The following RELCH variants were observed in gnomAD, a reference collection of about 807,000 sequenced individuals.
RELCH encodes RAB11 binding and LisH domain, coiled-coil and HEAT repeat containing.
In RELCH, 41 loss-of-function variants were observed where a neutral mutation model predicts 150.3. The observed-to-expected ratio is 0.27, with a 90% CI of 0.21 to 0.35. The LOEUF is 0.35. RELCH is among the 10% of genes least tolerant of loss of function. The pLI is 1.00. For synonymous variants in RELCH, 478 were observed against 531.8 expected, an observed-to-expected ratio of 0.90 and a Z score of 1.39; for missense variants, 1,092 against 1,467.8, an observed-to-expected ratio of 0.74 and a Z score of 4.18.
intron 2 of RELCH, 152 bp from the exon 3 acceptor site, chr18:62,220,885 G>A: frequency 1.5e-6 from 1 of 689,152 alleles, no homozygotes; most frequent in Non-Finnish European, 2.6e-6. Context: ...TCTGCTGCAT[G>A]CGTTCACAAG....
chr18:62,263,014 C>T (rs2043352622), intron 16 of RELCH, among the ~76,000 whole-genome samples: 1 of 151,946 alleles, frequency 6.6e-6, no homozygotes, highest in Admixed American at 6.6e-5. Flanking sequence ...TTTATCTTCA[C>T]GTGGCACACT....
rs1277441926 is a variant in RELCH, at chr18:62,266,683, T to A, written c.2632-18T>A. On this transcript the variant is annotated intron_variant, in intron 18 of 28. Coordinates refer to ENST00000644646, the MANE Select transcript of RELCH (RefSeq NM_001346231.2). ...ATTGAACCTGAGACTTTTTGAATCTTCTCTTTGGGTTGCTTAGGTAAAACC... is the reference window on the plus strand; with the variant it reads ...ATTGAACCTGAGACTTTTTGAATCTACTCTTTGGGTTGCTTAGGTAAAACC... The A allele has an allele frequency of 3.2e-6, 5 of 1,578,598 alleles. No individual in the cohort carries two copies. The highest frequency in any genetic ancestry group is 2.7e-5 in the African/African-American group (2 of 73,888).
At chr18:62,239,597 A>G (rs1239184217) in intron 10 of RELCH, among the ~76,000 whole-genome samples, 1 of 151,898 alleles carries the variant, frequency 6.6e-6, no homozygotes, top group African/African-American at 2.4e-5. Flanking sequence ...CCTAGTCTGG[A>G]GTTTTCCTCC....
At chr18:62,278,810 TGATTA>T (rs2044352538) in intron 22 of RELCH, among the ~76,000 whole-genome samples, 1 of 152,212 alleles carries the variant, frequency 6.6e-6, no homozygotes, top group African/African-American at 2.4e-5. Flanking sequence ...AATTGTTTTG[TGATTA>T]GATTATAGAG....
intron 21 of RELCH, among the ~76,000 whole-genome samples, chr18:62,274,470 A>G (rs1050520676): frequency 6.6e-6 from 1 of 152,226 alleles, no homozygotes; most frequent in African/African-American, 2.4e-5. Context: ...CCTGCTCATC[A>G]TCACATCATC....
intron 11 of RELCH, among the ~76,000 whole-genome samples, chr18:62,250,841 C>A (rs1262222316): frequency 6.6e-6 from 1 of 152,144 alleles, no homozygotes; most frequent in East Asian, 1.9e-4. Flanking sequence ...AATGCCTAGA[C>A]GTAAAGTACT....
chr18:62,237,871 T>A (rs534309476), intron 10 of RELCH, among the ~76,000 whole-genome samples: 2 of 151,944 alleles, frequency 1.3e-5, no homozygotes, highest in South Asian at 2.1e-4. Context: ...TTAACTTTTT[T>A]AAATAGAAAG....
rs1165525926 is a variant in RELCH at position 62,305,197 on chromosome 18, T to C, written c.3531-217T>C. Among the ~76,000 whole-genome samples the C allele has an allele frequency of 6.6e-6, 1 of 152,206 alleles. No individual in the cohort carries two copies. The highest frequency in any genetic ancestry group is 1.5e-5 in the Non-Finnish European group (1 of 68,036). ...GCCAAGATTCAGTCCAGTCCCAGAC[T>C]TGTTCCTAACCACTACACATACTGC... On this transcript the variant is annotated intron_variant, in intron 28 of 28. Transcript: ENST00000644646. This position sits in a 1 kb window ranked among gnomAD's most constrained non-coding sequence, Gnocchi z 4.0.
chr18:62,207,047 A>G lies in RELCH; in HGVS notation c.527-4106A>G, dbSNP rs368050178. Among the ~76,000 whole-genome samples the G allele has an allele frequency of 2.1e-3, 316 of 152,148 alleles. 4 individuals carry two copies. The highest frequency in any genetic ancestry group is 7.4e-3 in the African/African-American group (306 of 41,506). ...TTTTAGTATATTTCCATTCATTTTT[A>G]GTATATTTACAGAATTGTACAACCA... On this transcript the variant is annotated intron_variant, in intron 1 of 28. Coordinates refer to ENST00000644646, the MANE Select transcript of RELCH (RefSeq NM_001346231.2).
chr18:62,263,077 T>C (rs1212177904), intron 16 of RELCH, among the ~76,000 whole-genome samples: 4 of 152,004 alleles, frequency 2.6e-5, no homozygotes, highest in Admixed American at 1.3e-4. Context: ...AGGACATCGG[T>C]TGTGTTGGAT....
At chr18:62,194,012 G>A (rs1219339281) in intron 1 of RELCH, among the ~76,000 whole-genome samples, 1 of 152,138 alleles carries the variant, frequency 6.6e-6, no homozygotes, top group African/African-American at 2.4e-5. Flanking sequence ...TTGGGAGGAT[G>A]AGGTGAGCAG....
chr18:62,296,748 A>G (rs2045429837), intron 27 of RELCH, among the ~76,000 whole-genome samples: 1 of 152,142 alleles, frequency 6.6e-6, no homozygotes, highest in African/African-American at 2.4e-5. Flanking sequence ...GATATTGTCA[A>G]ATGTTTTCTT....
chr18:62,295,797 TCTTGGGTTCAAGCGATCCACCCAC>T (rs2145101942), intron 27 of RELCH, among the ~76,000 whole-genome samples: 1 of 152,270 alleles, frequency 6.6e-6, no homozygotes, highest in South Asian at 2.1e-4. Flanking sequence ...GGTCTCAAAC[TCTTGGGTTCAAGCGATCCACCCAC>T]CTTGGCCTCC....
chr18:62,244,221 T>C (rs1568370096), intron 10 of RELCH, among the ~76,000 whole-genome samples: 3 of 152,156 alleles, frequency 2.0e-5, no homozygotes, highest in Non-Finnish European at 4.4e-5. Context: ...ATCAAATATT[T>C]CTACTGATAC....
At chr18:62,267,124 A>T (rs935294766) in intron 19 of RELCH, among the ~76,000 whole-genome samples, 2 of 151,960 alleles carry the variant, frequency 1.3e-5, no homozygotes, top group African/African-American at 4.8e-5. Context: ...AAAATTAAAC[A>T]TAGTGGAAAA....
At chr18:62,243,981 CATT>C (rs1223702861) in intron 10 of RELCH, among the ~76,000 whole-genome samples, 1 of 151,898 alleles carries the variant, frequency 6.6e-6, no homozygotes, top group South Asian at 2.1e-4. Context: ...ACTTTTGGAC[CATT>C]ATTCTTCTTG....
chr18:62,213,982 A>G (rs1290004950), intron 2 of RELCH, among the ~76,000 whole-genome samples: 1 of 152,002 alleles, frequency 6.6e-6, no homozygotes, highest in Non-Finnish European at 1.5e-5. Context: ...GATTTGCACA[A>G]CTAGGAGTGA....
In RELCH at chr18:62,280,624, CTT is replaced by C. The variant is rs1568427227; in HGVS notation, c.3051-20_3051-19del. 1.9e-6 allele frequency: 3 copies of C among 1,588,722 alleles called. No homozygotes were observed. The African/African-American group carries it at 4.0e-5, about 21-fold the overall frequency. On this transcript the variant is annotated intron_variant, in intron 23 of 28. Coordinates refer to ENST00000644646, the MANE Select transcript of RELCH (RefSeq NM_001346231.2). Reference sequence around the variant, plus strand: ...GTTGTTCATCTCAAATCTTCAGTTTCTTTCTGTTTTAATTCTAACAGCTCTGT... The same window carrying C: ...GTTGTTCATCTCAAATCTTCAGTTTCTCTGTTTTAATTCTAACAGCTCTGT...
chr18:62,302,709 G>T (rs1231981717), intron 28 of RELCH, among the ~76,000 whole-genome samples: 2 of 152,006 alleles, frequency 1.3e-5, no homozygotes, highest in Admixed American at 1.3e-4. Flanking sequence ...ATTTTTACTA[G>T]AGAGGGGGTT....
Sources: gnomAD v4.1 joint callset for allele counts (sites outside exome capture counted in the v4.1 genomes callset) on GRCh38, gnomAD v4.1.1 for gene constraint, Gnocchi (gnomAD v3.1) non-coding constraint, MANE v1.5 for transcripts, NCBI Gene and HGNC (gene_info 2026-07-23, HGNC 2026-07-21) for gene names.